Variants in DNAJC1 observed in about 807,000 individuals in gnomAD.
DNAJC1 encodes DnaJ heat shock protein family (Hsp40) member C1, also known as dnaJ homolog subfamily C member 1.
DNAJC1 carries 58 observed loss-of-function variants against 76.6 expected under a neutral mutation model. The observed-to-expected ratio is 0.76, with a 90% CI of 0.61 to 0.94. The LOEUF is 0.94. Ranked by LOEUF, DNAJC1 falls within the 40% of genes least tolerant of loss-of-function variation. The pLI, the probability that DNAJC1 is intolerant of heterozygous loss-of-function variation, is 0.00. For missense variants in DNAJC1, 689 were observed against 677.3 expected, an observed-to-expected ratio of 1.02 and a Z score of -0.19; for synonymous variants, 258 against 267.9, an observed-to-expected ratio of 0.96 and a Z score of 0.36.
rs189665925 is a variant in DNAJC1, at chr10:21,961,714, T to C, written c.223-32573A>G. Among the ~76,000 whole-genome samples, 6 of 152,338 alleles carry C rather than the reference T, an allele frequency of 3.9e-5. No homozygotes were observed. In the East Asian group the frequency reaches 7.7e-4, roughly 20 times the overall value. On this transcript the variant is annotated intron_variant, in intron 1 of 11. Transcript: ENST00000376980. ...ATAGCACTGAATTGTATACTTAAAA[T>C]GGGTAAAATGGTAAATTTTTGTTAT...
At chr10:21,965,686 CAATT>C (rs1343357759) in intron 1 of DNAJC1, among the ~76,000 whole-genome samples, 1 of 152,108 alleles carries the variant, frequency 6.6e-6, no homozygotes. Context: ...GTAATTAAGA[CAATT>C]AACCCTTTAA....
chr10:21,765,022 C>T (rs910980145), intron 10 of DNAJC1, among the ~76,000 whole-genome samples: 2 of 152,152 alleles, frequency 1.3e-5, no homozygotes, highest in South Asian at 2.1e-4. Context: ...GGAAGATCTA[C>T]GTCAGTTCCT....
chr10:21,968,568 C>CA (rs1331554699), intron 1 of DNAJC1, among the ~76,000 whole-genome samples: 5 of 151,036 alleles, frequency 3.3e-5, no homozygotes, highest in Non-Finnish European at 7.4e-5. Flanking sequence ...AGTGCAGTGG[C>CA]ACGACGATCT....
chr10:21,947,298 A>G (rs186732771), intron 1 of DNAJC1, among the ~76,000 whole-genome samples: 25 of 152,288 alleles, frequency 1.6e-4, no homozygotes, highest in Non-Finnish European at 3.4e-4. Flanking sequence ...TTGATCTGCA[A>G]GGGTCCACTT....
intron 1 of DNAJC1, among the ~76,000 whole-genome samples, chr10:21,964,219 T>G (rs1837849030): frequency 6.6e-6 from 1 of 152,158 alleles, no homozygotes; most frequent in Non-Finnish European, 1.5e-5. Context: ...TTTATTTTAT[T>G]ATTTTATTTT....
chr10:21,931,965 T>C (rs1308391484), intron 1 of DNAJC1, among the ~76,000 whole-genome samples: 1 of 152,172 alleles, frequency 6.6e-6, no homozygotes, highest in African/African-American at 2.4e-5. Context: ...ATGAATTATT[T>C]TAACAGTCAG....
intron 1 of DNAJC1, among the ~76,000 whole-genome samples, chr10:21,938,376 A>G (rs1035812288): frequency 6.6e-6 from 1 of 152,056 alleles, no homozygotes; most frequent in African/African-American, 2.4e-5. Flanking sequence ...AAAAATCTCA[A>G]CCTAACTTTA....
At chr10:21,760,807 ACT>A (rs1834232153) in intron 10 of DNAJC1, among the ~76,000 whole-genome samples, 1 of 152,174 alleles carries the variant, frequency 6.6e-6, no homozygotes, top group Admixed American at 6.5e-5. Context: ...TTTACTTGTG[ACT>A]CTGTAATTTT....
intron 8 of DNAJC1, among the ~76,000 whole-genome samples, chr10:21,830,996 T>C (rs911685904): frequency 1.3e-5 from 2 of 152,204 alleles, no homozygotes; most frequent in Admixed American, 6.5e-5. Context: ...CTCTTTCAGA[T>C]TGGTTTTCTT....
At chr10:21,847,009 T>G (rs1006860676) in intron 8 of DNAJC1, among the ~76,000 whole-genome samples, 1 of 152,078 alleles carries the variant, frequency 6.6e-6, no homozygotes, top group African/African-American at 2.4e-5. Context: ...ATAAACATTT[T>G]TCACATAATA....
At chr10:21,839,314 T>C (rs1277777848) in intron 8 of DNAJC1, among the ~76,000 whole-genome samples, 1 of 152,164 alleles carries the variant, frequency 6.6e-6, no homozygotes, top group East Asian at 1.9e-4. Flanking sequence ...ATCCAGGAGC[T>C]GGTTTGTTGA....
At chr10:21,765,509 C>T (rs1285378694) in intron 10 of DNAJC1, among the ~76,000 whole-genome samples, 2 of 152,268 alleles carry the variant, frequency 1.3e-5, no homozygotes, top group African/African-American at 2.4e-5. Context: ...AATATGGAGA[C>T]TCTAACAAAA....
intron 1 of DNAJC1, among the ~76,000 whole-genome samples, chr10:21,968,466 T>G (rs1292807749): frequency 6.6e-6 from 1 of 152,098 alleles, no homozygotes; most frequent in African/African-American, 2.4e-5. Context: ...AAGTGAGTAT[T>G]TTCTCCATAC....
chr10:21,884,018 C>A (rs1185503574), intron 7 of DNAJC1, among the ~76,000 whole-genome samples: 1 of 151,774 alleles, frequency 6.6e-6, no homozygotes, highest in Non-Finnish European at 1.5e-5. Context: ...CTTTAAAAGC[C>A]AAAACAATAA....
At position 21,929,161 on chromosome 10, in the gene DNAJC1, G is replaced by C. The variant is rs965577187; in HGVS notation, c.223-20C>G. ...TGCATCCTGGAGGTGGTAGGGGGAG[G>C]GGAAAATACAAAGCAAACTTTGTCA... On this transcript the variant is annotated intron_variant, in intron 1 of 11. Transcript: ENST00000376980. 4 of 1,548,028 alleles carry C rather than the reference G, an allele frequency of 2.6e-6. No individual in the cohort carries two copies. Among genetic ancestry groups the C allele is most frequent in the Non-Finnish European group, 3.5e-6 (4 of 1,130,742 alleles).
chr10:21,759,031 G>A, intron 11 of DNAJC1, 139 bp downstream of exon 11: 5 of 880,772 alleles, frequency 5.7e-6, no homozygotes, highest in Non-Finnish European at 7.1e-6. Flanking sequence ...GAAATATACT[G>A]GAAGATAAAT....
At chr10:21,974,376 T>C (rs147510523) in intron 1 of DNAJC1, among the ~76,000 whole-genome samples, 1 of 152,220 alleles carries the variant, frequency 6.6e-6, no homozygotes, top group African/African-American at 2.4e-5. Flanking sequence ...TCTAGGAAGA[T>C]TCAAAATACT....
chr10:21,757,031 G>T (rs1342000159), intron 11 of DNAJC1, among the ~76,000 whole-genome samples: 1 of 152,190 alleles, frequency 6.6e-6, no homozygotes, highest in African/African-American at 2.4e-5. Context: ...TCATAATCGG[G>T]TCTTTCAGCC....
rs202168141 is a variant in DNAJC1 at position 21,997,612 on chromosome 10, GT to G, written c.222+5600del. ...AGAGATGGGTCTAGTGATCAGTGGT[GT>G]TTTTTTAGGGAAGTTCCTCCCAACC... On this transcript the variant is annotated intron_variant, in intron 1 of 11. Coordinates refer to ENST00000376980, the MANE Select transcript of DNAJC1 (RefSeq NM_022365.4). 8.4e-3 allele frequency among the ~76,000 whole-genome samples: 1,274 copies of G among 152,218 alleles called. 16 individuals are homozygous for G. Among genetic ancestry groups the G allele is most frequent in the African/African-American group, 0.029 (1,186 of 41,542 alleles).
Sources: allele counts gnomAD v4.1 joint callset (sites outside exome capture counted in the v4.1 genomes callset), GRCh38; gene constraint gnomAD v4.1.1; transcripts MANE v1.5; gene names NCBI Gene and HGNC (gene_info 2026-07-23, HGNC 2026-07-21).